Variants in NDNF observed in about 807,000 individuals in gnomAD.
The protein encoded by NDNF is neuron derived neurotrophic factor, also known as protein NDNF.
Under a neutral mutation model 42.0 loss-of-function variants are expected in NDNF, and 16 were observed. The ratio of observed to expected loss-of-function variants is 0.38; its 90% confidence interval spans 0.26 to 0.58. NDNF has a LOEUF of 0.58. Ranked by LOEUF, NDNF falls within the 20% of genes least tolerant of loss-of-function variation. The probability of loss-of-function intolerance (pLI) is 0.67; values close to 1 mark genes in which losing one functional copy is unlikely to be tolerated. For synonymous variants in NDNF, 248 were observed against 251.7 expected, an observed-to-expected ratio of 0.99 and a Z score of 0.14; for missense variants, 616 against 666.2, an observed-to-expected ratio of 0.92 and a Z score of 0.83.
intron 1 of NDNF, among the ~76,000 whole-genome samples, chr4:121,048,795 G>A (rs111459796): frequency 0.2 from 30,016 of 151,958 alleles, 3,299 homozygotes; most frequent in South Asian, 0.33. Flanking sequence ...CCAAGATCAC[G>A]CCACTGCACT....
chr4:121,040,196 C>T (rs1726974488), intron 2 of NDNF, 142 bp from the exon 3 acceptor site: 2 of 839,604 alleles, frequency 2.4e-6, no homozygotes, highest in East Asian at 3.1e-5. Context: ...ATTGTATTTT[C>T]CCTTAACACA....
chr4:121,063,282 A>G (rs1331075602), intron 1 of NDNF, among the ~76,000 whole-genome samples: 1 of 152,208 alleles, frequency 6.6e-6, no homozygotes. Context: ...ATATGTTTCA[A>G]TATCATGGGT....
chr4:121,068,798 T>C (rs911294742), intron 1 of NDNF, among the ~76,000 whole-genome samples: 1 of 152,140 alleles, frequency 6.6e-6, no homozygotes, highest in Non-Finnish European at 1.5e-5. Context: ...ATTAAAATAA[T>C]CTTAATTAGC....
chr4:121,063,733 G>A (rs891875264), intron 1 of NDNF, among the ~76,000 whole-genome samples: 4 of 152,136 alleles, frequency 2.6e-5, no homozygotes, highest in South Asian at 2.1e-4. Flanking sequence ...CAGAACCTGC[G>A]CGTGTTCAGA....
In NDNF at chr4:121,037,332, C is replaced by T. The variant is rs1726893142; in HGVS notation, c.639G>A (p.Val213=). ...TGAAATTGTGCTCTTTGTTGATGAC[C>T]ACACAGTACTGAATGGGTTGTTTCA... is the stretch of plus-strand genomic sequence containing the variant. ...SLLKQPIQYC[V]VINKEHNFKS... Residue 213 remains valine (V), a synonymous_variant, in exon 4 of 4, where the codon GTG becomes GTA. Transcript: ENST00000379692. 1 of 1,614,052 alleles carries T rather than the reference C, an allele frequency of 6.2e-7. No homozygotes were observed. The highest frequency in any genetic ancestry group is 8.5e-7 in the Non-Finnish European group (1 of 1,180,016).
chr4:121,052,547 T>C (rs1296074762), intron 1 of NDNF, among the ~76,000 whole-genome samples: 2 of 152,228 alleles, frequency 1.3e-5, no homozygotes, highest in African/African-American at 4.8e-5. Context: ...CAAGAGCATT[T>C]GTTTTTGTTT....
intron 1 of NDNF, chr4:121,071,757 C>T (rs1428826266): frequency 4.7e-5 from 3 of 64,262 alleles, no homozygotes; most frequent in Non-Finnish European, 1.0e-4. Context: ...AACAAACAAA[C>T]AACAACAACA....
At chr4:121,067,916 G>A (rs1727528019) in intron 1 of NDNF, among the ~76,000 whole-genome samples, 1 of 152,188 alleles carries the variant, frequency 6.6e-6, no homozygotes. Context: ...GTTTAGGAAG[G>A]AAGCAGCCAA....
intron 1 of NDNF, among the ~76,000 whole-genome samples, chr4:121,069,629 A>C (rs1458208713): frequency 1.3e-5 from 2 of 152,236 alleles, no homozygotes; most frequent in Non-Finnish European, 2.9e-5. Context: ...AATGAAAGCA[A>C]TAATGCAGAC....
rs1016447774 is a variant in NDNF, at chr4:121,037,378, G to T, written c.593C>A (p.Pro198Gln). The change falls in exon 4 of 4, where the codon CCA (proline) becomes CAA (glutamine). Residue 198 changes from proline (P) to glutamine (Q), a missense_variant. Physicochemically the swap from Pro to Gln is moderately conservative, Grantham distance 76. Transcript: ENST00000379692. Reference sequence around the variant, plus strand: ...TTTCAGCAAAGAGGCAGTGGGGCTTGGTTTCCAGGCCAAAGTGACCGTGGT... The same window carrying T: ...TTTCAGCAAAGAGGCAGTGGGGCTTTGTTTCCAGGCCAAAGTGACCGTGGT... ...GRTTVTLAWKPSPTASLLKQP... is the reference protein window; with the variant it reads ...GRTTVTLAWKQSPTASLLKQP... 2 of 1,614,136 alleles carry T rather than the reference G, an allele frequency of 1.2e-6. No individual in the cohort carries two copies. The highest frequency in any genetic ancestry group is 1.7e-6 in the Non-Finnish European group (2 of 1,180,038).
Position 121,037,389 on chromosome 4 carries a change from C to T in NDNF, c.582G>A (p.Leu194=), listed in dbSNP as rs1223013124. The change falls in exon 4 of 4, where the codon TTG becomes TTA. Residue 194 remains leucine, a synonymous_variant. Coordinates refer to ENST00000379692, the MANE Select transcript of NDNF (RefSeq NM_024574.4). ...VTSLGRTTVT[L]AWKPSPTASL... The stretch of plus-strand genomic sequence containing the variant: ...AGGCAGTGGGGCTTGGTTTCCAGGC[C>T]AAAGTGACCGTGGTGCGCCCCAGTG... The T allele has an allele frequency of 6.2e-7, 1 of 1,614,048 alleles. No individual in the cohort carries two copies. The highest frequency in any genetic ancestry group is 8.5e-7 in the Non-Finnish European group (1 of 1,180,016).
chr4:121,070,095 T>C (rs1160637722), intron 1 of NDNF, among the ~76,000 whole-genome samples: 1 of 152,208 alleles, frequency 6.6e-6, no homozygotes, highest in African/African-American at 2.4e-5. Context: ...GCAGAATGAC[T>C]GAAGAATTAA....
At position 121,039,218 on chromosome 4, in the gene NDNF, A is replaced by C. The variant is rs1173705795; in HGVS notation, c.313+712T>G. ...TATATATATATATATATATATATAT[A>C]TATATATATATATATATAAAGACTA... On this transcript the variant is annotated intron_variant, in intron 3 of 3. Transcript: ENST00000379692. 6.9e-3 allele frequency among the ~76,000 whole-genome samples: 285 copies of C among 41,440 alleles called. 9 individuals are homozygous for C. The highest frequency in any genetic ancestry group is 0.011 in the African/African-American group (272 of 24,322). The allele number at this position is 41,440 out of a possible 152,430, so 27.2% of individuals were successfully genotyped here. A position where few individuals can be genotyped will look rare whatever the true frequency, so the allele number is the denominator to read the frequency against.
In NDNF at chr4:121,037,620, G is replaced by T. The variant is rs753322264; in HGVS notation, c.351C>A (p.Ile117=). The change falls in exon 4 of 4, where the codon ATC becomes ATA. Residue 117 remains isoleucine (I), a synonymous_variant. Transcript: ENST00000379692. Reference sequence around the variant, plus strand: ...ATAACTCAGTGCCTTCCTCATTAATGATCTGCTGCTTCTGCTGCTCAAGAG... The same window carrying T: ...ATAACTCAGTGCCTTCCTCATTAATTATCTGCTGCTTCTGCTGCTCAAGAG... ...LEPLEQQKQQ[I]INEEGTELFS... is the part of the protein sequence containing the mutation. 1 of 1,599,314 alleles carries T rather than the reference G, an allele frequency of 6.3e-7. No individual in the cohort carries two copies. The highest frequency in any genetic ancestry group is 2.2e-5 in the East Asian group (1 of 44,870).
rs940645933 is a variant in NDNF, at chr4:121,072,026, A to G, written c.-35T>C. ...GATCTGTTTTTCGTAGGGAAAATAG[A>G]AAAAAATCCCTCCCCGTGGTGTGGT... On this transcript the variant is annotated 5_prime_UTR_variant, in exon 1 of 4. Coordinates refer to ENST00000379692, the MANE Select transcript of NDNF (RefSeq NM_024574.4). 6.6e-6 allele frequency: 1 copy of G among 152,258 alleles called. No homozygotes were observed. The highest frequency in any genetic ancestry group is 1.5e-5 in the Non-Finnish European group (1 of 68,136). 9.4% of individuals were successfully genotyped at this position (152,258 alleles called of 1,614,324 possible). A position where few individuals can be genotyped will look rare whatever the true frequency, so the allele number is the denominator to read the frequency against.
In NDNF at chr4:121,045,762, C is replaced by G. The variant is rs1560605319; in HGVS notation, c.76G>C (p.Asp26His). The G allele has an allele frequency of 3.1e-6, 5 of 1,614,164 alleles. No individual in the cohort carries two copies. The highest frequency in any genetic ancestry group is 3.4e-6 in the Non-Finnish European group (4 of 1,180,034). ...ATCTGCATCTGAAAAAGTTCCTCAT[C>G]CCGGGTGGGTAACTTCTGGGTCCTT... ...SSRTQKLPTR[D>H]EELFQMQIRD... The change falls in exon 2 of 4, where the codon GAT becomes CAT. Residue 26 changes from aspartate to histidine, a missense_variant. Physicochemically the swap from Asp to His is moderately conservative, Grantham distance 81. Transcript: ENST00000379692.
intron 1 of NDNF, among the ~76,000 whole-genome samples, chr4:121,066,571 G>A (rs1427289685): frequency 6.6e-6 from 1 of 152,060 alleles, no homozygotes; most frequent in Non-Finnish European, 1.5e-5. Context: ...GCCAGGATAG[G>A]GCATTGTCTG....
chr4:121,044,493 A>G (rs1727055220), intron 2 of NDNF, among the ~76,000 whole-genome samples: 1 of 150,664 alleles, frequency 6.6e-6, no homozygotes, highest in South Asian at 2.1e-4. Context: ...TTAATTTATA[A>G]CATATTATTT....
Position 121,037,092 on chromosome 4 carries a change from T to C in NDNF, c.879A>G (p.Ile293Met), listed in dbSNP as rs1266853784. The C allele has an allele frequency of 1.9e-5, 30 of 1,613,816 alleles. No individual in the cohort carries two copies. Among genetic ancestry groups the C allele is most frequent in the Admixed American group, 5.0e-5 (3 of 59,964 alleles). The part of the protein sequence containing the change: ...RPKVDIQKIC[I>M]GNKNIFTVSD... ...AGACGGTGAAGATGTTCTTGTTTCC[T>C]ATGCAGATTTTCTGAATATCAACCT... is the stretch of plus-strand genomic sequence containing the variant. The change falls in exon 4 of 4, where the codon ATA becomes ATG. Residue 293 changes from isoleucine to methionine, a missense_variant. Ile to Met is a conservative substitution (Grantham distance 10). Transcript: ENST00000379692.
Sources: gnomAD v4.1 joint callset for allele counts (sites outside exome capture counted in the v4.1 genomes callset) on GRCh38, gnomAD v4.1.1 for gene constraint, MANE v1.5 for transcripts, NCBI Gene and HGNC (gene_info 2026-07-23, HGNC 2026-07-21) for gene names.